BCL2L11: variants seen among roughly 807,000 people sequenced by gnomAD.
BCL2L11 encodes the protein bcl-2-like protein 11.
Under a neutral mutation model 20.6 loss-of-function variants are expected in BCL2L11, and 15 were observed. That is an observed-to-expected ratio of 0.73 (90% confidence interval 0.49 to 1.12). BCL2L11 has a LOEUF of 1.12. Ranked by LOEUF, BCL2L11 falls within the 50% of genes most tolerant of loss-of-function variation. The pLI is 0.00. For synonymous variants in BCL2L11, 108 were observed against 92.8 expected (o/e 1.16, Z -0.94); for missense variants, 292 against 260.9 (o/e 1.12, Z -0.82).
intron 2 of BCL2L11, among the ~76,000 whole-genome samples, chr2:111,148,897 T>A (rs888133879): frequency 1.3e-5 from 2 of 152,248 alleles, no homozygotes; most frequent in Admixed American, 6.5e-5. Context: ...GAGCTCTGAA[T>A]CAGTATCAGT....
chr2:111,120,966 GCGCCGCTGCCGCTGCCGC>G lies in BCL2L11; in HGVS notation c.-229_-212del. ...GCAGTTTGTTGGAGCTCTGCGTCCAGCGCCGCTGCCGCTGCCGCCGCCGCCGCCGCCGCCGCCGCCGCC... is the reference window on the plus strand; with the variant it reads ...GCAGTTTGTTGGAGCTCTGCGTCCAGCGCCGCCGCCGCCGCCGCCGCCGCC... On this transcript the variant is annotated 5_prime_UTR_variant, in exon 1 of 4. Transcript: ENST00000393256. The G allele has an allele frequency of 2.7e-6, 1 of 368,124 alleles. No individual in the cohort carries two copies. The highest frequency in any genetic ancestry group is 5.3e-5 in the East Asian group (1 of 18,830). 22.8% of individuals were successfully genotyped at this position (368,124 alleles called of 1,614,324 possible).
At position 111,121,100 on chromosome 2, in the gene BCL2L11, T is replaced by C; in HGVS notation, c.-102T>C. ...CGCATCATCGCGGTATTCGGTTCGC[T>C]GCGTTCCCGCCGCCACCGCCTCGGC... is the stretch of plus-strand genomic sequence containing the variant. On this transcript the variant is annotated 5_prime_UTR_variant, in exon 1 of 4. Transcript: ENST00000393256. The C allele has an allele frequency of 3.3e-6, 1 of 300,794 alleles. No individual in the cohort carries two copies. Among genetic ancestry groups the C allele is most frequent in the Non-Finnish European group, 6.1e-6 (1 of 163,304 alleles). 18.6% of individuals were successfully genotyped at this position (300,794 alleles called of 1,614,324 possible).
rs191873082 is a variant in BCL2L11, at chr2:111,150,156, G to A, written c.498+9G>A. 91 of 1,612,758 alleles carry A rather than the reference G, an allele frequency of 5.6e-5. 1 individual carries two copies. In the African/African-American group the frequency reaches 1.0e-3, roughly 18 times the overall value. ...CTTACTATGCAAGGAGGGTAATGAT[G>A]TTTTCTTTACCCGCTTTTCTGCTCA... On this transcript the variant is annotated intron_variant, in intron 3 of 3. Coordinates refer to ENST00000393256, the MANE Select transcript of BCL2L11 (RefSeq NM_138621.5).
chr2:111,137,100 G>C (rs2075032623), intron 2 of BCL2L11, among the ~76,000 whole-genome samples: 1 of 152,156 alleles, frequency 6.6e-6, no homozygotes, highest in African/African-American at 2.4e-5. Flanking sequence ...CCTTAGGGGG[G>C]ACTTCTTACT....
At chr2:111,152,703 C>G (rs1575155980) in intron 3 of BCL2L11, among the ~76,000 whole-genome samples, 2 of 152,346 alleles carry the variant, frequency 1.3e-5, no homozygotes, top group Middle Eastern at 6.8e-3. Flanking sequence ...GTTACCTTGC[C>G]TCTCTGTTGA....
chr2:111,124,151 C>T lies in BCL2L11; in HGVS notation c.394+12C>T, dbSNP rs748115356. Reference sequence around the variant, plus strand: ...TCTCAGTGCAATGGGTAAGCAATGCCTGGGTAAGAGGCAGTTGACGTGTGG... The same window carrying T: ...TCTCAGTGCAATGGGTAAGCAATGCTTGGGTAAGAGGCAGTTGACGTGTGG... On this transcript the variant is annotated intron_variant, in intron 2 of 3. Coordinates refer to ENST00000393256, the MANE Select transcript of BCL2L11 (RefSeq NM_138621.5). 4 of 1,593,746 alleles carry T rather than the reference C, an allele frequency of 2.5e-6. No homozygotes were observed. In the African/African-American group the frequency reaches 4.0e-5, roughly 16 times the overall value.
rs946205621 is a variant in BCL2L11 at position 111,164,712 on chromosome 2, T to C, written c.*481T>C. 6.5e-6 allele frequency: 1 copy of C among 153,408 alleles called. No individual in the cohort carries two copies. The highest frequency in any genetic ancestry group is 1.5e-5 in the Non-Finnish European group (1 of 68,510). The allele number at this position is 153,408 out of a possible 1,614,324, so 9.5% of individuals were successfully genotyped here. A position where few individuals can be genotyped will look rare whatever the true frequency, so the allele number is the denominator to read the frequency against. ...TTAAAAAGCTGCCTTAGTTTATTTTTAGAGATTACAGAATTTTTAAACAGG... is the reference window on the plus strand; with the variant it reads ...TTAAAAAGCTGCCTTAGTTTATTTTCAGAGATTACAGAATTTTTAAACAGG... On this transcript the variant is annotated 3_prime_UTR_variant, in exon 4 of 4. Coordinates refer to ENST00000393256, the MANE Select transcript of BCL2L11 (RefSeq NM_138621.5).
In BCL2L11 at chr2:111,164,330, A is replaced by C. The variant is rs576839037; in HGVS notation, c.*99A>C. The C allele has an allele frequency of 3.4e-6, 3 of 893,588 alleles. No homozygotes were observed. The highest frequency in any genetic ancestry group is 5.6e-6 in the Non-Finnish European group (3 of 533,330). The allele number at this position is 893,588 out of a possible 1,614,324, so 55.4% of individuals were successfully genotyped here. A position where few individuals can be genotyped will look rare whatever the true frequency, so the allele number is the denominator to read the frequency against. On this transcript the variant is annotated 3_prime_UTR_variant, in exon 4 of 4. Transcript: ENST00000393256. Reference sequence around the variant, plus strand: ...CTCCTGGTGCCATTATTATGCAGCCAGCGGTTCTCTTGTGGAGGGGGCAGG... The same window carrying C: ...CTCCTGGTGCCATTATTATGCAGCCCGCGGTTCTCTTGTGGAGGGGGCAGG...
chr2:111,137,888 T>G (rs2075180029), intron 2 of BCL2L11, among the ~76,000 whole-genome samples: 1 of 152,132 alleles, frequency 6.6e-6, no homozygotes, highest in South Asian at 2.1e-4. Context: ...ATAGTCTAGT[T>G]TAATATTAAA....
chr2:111,143,936 G>GA (rs914274795), intron 2 of BCL2L11, among the ~76,000 whole-genome samples: 15 of 152,236 alleles, frequency 9.9e-5, no homozygotes, highest in African/African-American at 3.4e-4. Context: ...GTGAATGAGG[G>GA]AAAAAATCTC....
In BCL2L11 at chr2:111,136,826, G is replaced by GT. The variant is rs533791570; in HGVS notation, c.394+12689dup. Among the ~76,000 whole-genome samples, 26 of 152,300 alleles carry GT rather than the reference G, an allele frequency of 1.7e-4. No individual in the cohort carries two copies. The East Asian group carries it at 3.5e-3, about 20-fold the overall frequency. ...TAACGTTTATACCATAGCAGTATCAGTTGGCTCTGGCTGCAAAGACTACTC... is the reference window on the plus strand; with the variant it reads ...TAACGTTTATACCATAGCAGTATCAGTTTGGCTCTGGCTGCAAAGACTACTC... On this transcript the variant is annotated intron_variant, in intron 2 of 3. Transcript: ENST00000393256.
intron 2 of BCL2L11, chr2:111,142,259 C>G (rs946150095): frequency 2.1e-6 from 3 of 1,437,746 alleles, no homozygotes; most frequent in African/African-American, 2.8e-5. Flanking sequence ...AACAAGTTAT[C>G]TGTCTGGGAA....
At chr2:111,141,654 T>TA (rs1304445519) in intron 2 of BCL2L11, among the ~76,000 whole-genome samples, 10 of 151,602 alleles carry the variant, frequency 6.6e-5, no homozygotes, top group African/African-American at 1.9e-4. Flanking sequence ...CCCTAAAACT[T>TA]AAAGTATATA....
intron 2 of BCL2L11, among the ~76,000 whole-genome samples, chr2:111,146,521 C>T (rs1043577906): frequency 2.6e-5 from 4 of 152,128 alleles, no homozygotes; most frequent in African/African-American, 9.7e-5. Flanking sequence ...GCTCCAGGCA[C>T]GCTTTTGGAA....
intron 2 of BCL2L11, among the ~76,000 whole-genome samples, chr2:111,129,444 ATTT>A (rs572969407): frequency 2.2e-3 from 338 of 152,234 alleles, no homozygotes; most frequent in African/African-American, 7.8e-3. Context: ...TCTTAAAAAA[ATTT>A]TTTTTCAGAT....
intron 3 of BCL2L11, chr2:111,161,361 CT>C: frequency 6.5e-7 from 1 of 1,538,422 alleles, no homozygotes. Context: ...GACAGTCTGT[CT>C]TTTTTATATT....
At chr2:111,163,833 T>G (rs1341124553) in intron 3 of BCL2L11, among the ~76,000 whole-genome samples, 1 of 152,018 alleles carries the variant, frequency 6.6e-6, no homozygotes, top group Non-Finnish European at 1.5e-5. Context: ...TACATCCTCT[T>G]TGAGTTTTTC....
chr2:111,126,631 A>G (rs2150230242), intron 2 of BCL2L11, among the ~76,000 whole-genome samples: 1 of 152,294 alleles, frequency 6.6e-6, no homozygotes, highest in South Asian at 2.1e-4. Context: ...TGGACATTCT[A>G]CAGTCTTAGT....
At chr2:111,144,670 C>A in intron 2 of BCL2L11, 1 of 1,073,182 alleles carries the variant, frequency 9.3e-7, no homozygotes, top group Non-Finnish European at 1.3e-6. Context: ...ATTTTTCTTT[C>A]TCTAAATGAA....
Sources: gnomAD v4.1 joint callset for allele counts (sites outside exome capture counted in the v4.1 genomes callset) on GRCh38, gnomAD v4.1.1 for gene constraint, MANE v1.5 for transcripts, NCBI Gene and HGNC (gene_info 2026-07-23, HGNC 2026-07-21) for gene names.